XKR4: variants seen among roughly 807,000 people sequenced by gnomAD.
The protein encoded by XKR4 is XK-related protein 4.
Under a neutral mutation model 53.9 loss-of-function variants are expected in XKR4, and 12 were observed. That is an observed-to-expected ratio of 0.22 (90% CI 0.14 to 0.36). The LOEUF is 0.36. Ranked by LOEUF, XKR4 falls within the 10% of genes least tolerant of loss-of-function variation. The pLI, the probability that XKR4 is intolerant of heterozygous loss-of-function variation, is 1.00. For missense variants in XKR4, 799 were observed against 859.5 expected, an observed-to-expected ratio of 0.93 and a Z score of 0.88; for synonymous variants, 354 against 362.4, an observed-to-expected ratio of 0.98 and a Z score of 0.26.
At chr8:55,415,709 T>C (rs1467853113) in intron 2 of XKR4, among the ~76,000 whole-genome samples, 1 of 152,202 alleles carries the variant, frequency 6.6e-6, no homozygotes, top group East Asian at 1.9e-4. Flanking sequence ...CATTAGAAAA[T>C]TGTTTTAGGA....
intron 1 of XKR4, among the ~76,000 whole-genome samples, chr8:55,118,681 G>C (rs1403649225): frequency 6.6e-6 from 1 of 152,198 alleles, no homozygotes; most frequent in Non-Finnish European, 1.5e-5. Flanking sequence ...TTCAAAAGAT[G>C]CTTCTCAAAA....
chr8:55,223,650 A>C (rs1021515399), intron 1 of XKR4, among the ~76,000 whole-genome samples: 1 of 152,212 alleles, frequency 6.6e-6, no homozygotes, highest in Admixed American at 6.5e-5. Context: ...ATGATTGCTC[A>C]CCTTCACTGT....
intron 2 of XKR4, among the ~76,000 whole-genome samples, chr8:55,520,400 A>G (rs1720811231): frequency 1.3e-5 from 2 of 152,248 alleles, no homozygotes; most frequent in African/African-American, 2.4e-5. Flanking sequence ...AGCCTGACCA[A>G]CATGGTGAAA....
chr8:55,361,036 G>A (rs1478978425), intron 2 of XKR4, among the ~76,000 whole-genome samples: 1 of 152,164 alleles, frequency 6.6e-6, no homozygotes, highest in African/African-American at 2.4e-5. Context: ...AGCTCTTCAC[G>A]CTCCACAGTC....
At chr8:55,240,679 G>A (rs564731757) in intron 1 of XKR4, among the ~76,000 whole-genome samples, 1 of 152,266 alleles carries the variant, frequency 6.6e-6, no homozygotes, top group Non-Finnish European at 1.5e-5. Context: ...ACAGGCAAGG[G>A]AATAGCCTCA....
At position 55,450,285 on chromosome 8, in the gene XKR4, G is replaced by C. The variant is rs971065929; in HGVS notation, c.1007-72996G>C. On this transcript the variant is annotated intron_variant, in intron 2 of 2. Coordinates refer to ENST00000327381, the MANE Select transcript of XKR4 (RefSeq NM_052898.2). ...AGGGGGTTCCCCGAGCCAGTTCCCA[G>C]TCATAGGGAGGGCCCTCGGCCAGCA... The C allele has an allele frequency of 9.6e-5, 68 of 704,932 alleles. 2 individuals carry two copies. Among genetic ancestry groups the C allele is most frequent in the Non-Finnish European group, 9.4e-5 (39 of 415,502 alleles). The allele number at this position is 704,932 out of a possible 1,614,324, so 43.7% of individuals were successfully genotyped here.
intron 2 of XKR4, among the ~76,000 whole-genome samples, chr8:55,480,301 C>G (rs1009008792): frequency 6.8e-6 from 1 of 147,128 alleles, no homozygotes; most frequent in Admixed American, 6.7e-5. Flanking sequence ...AGACAAAAAC[C>G]ACATGATTAT....
At chr8:55,186,637 C>T (rs2129360479) in intron 1 of XKR4, among the ~76,000 whole-genome samples, 1 of 152,120 alleles carries the variant, frequency 6.6e-6, no homozygotes, top group African/African-American at 2.4e-5. Flanking sequence ...GCCTGGGGGA[C>T]AGAGTGAGAC....
At chr8:55,376,331 T>G in intron 2 of XKR4, among the ~76,000 whole-genome samples, 1 of 152,174 alleles carries the variant, frequency 6.6e-6, no homozygotes. Context: ...TTGAACTAAT[T>G]TACATTCCCA....
intron 1 of XKR4, among the ~76,000 whole-genome samples, chr8:55,182,482 G>A (rs1258572791): frequency 6.6e-6 from 1 of 152,142 alleles, no homozygotes; most frequent in Non-Finnish European, 1.5e-5. Flanking sequence ...GTTTGTACAT[G>A]AGGTGAGGTA....
At chr8:55,482,369 G>A (rs1039506674) in intron 2 of XKR4, among the ~76,000 whole-genome samples, 1 of 152,084 alleles carries the variant, frequency 6.6e-6, no homozygotes, top group African/African-American at 2.4e-5. Flanking sequence ...ACACAGGAAG[G>A]GGAACATCAC....
chr8:55,472,602 G>A (rs895993738), intron 2 of XKR4, among the ~76,000 whole-genome samples: 9 of 152,086 alleles, frequency 5.9e-5, no homozygotes, highest in African/African-American at 1.9e-4. Flanking sequence ...TGGTCAGAGA[G>A]AGGGATGGGG....
intron 1 of XKR4, among the ~76,000 whole-genome samples, chr8:55,168,797 G>A (rs981915284): frequency 3.9e-5 from 6 of 152,068 alleles, no homozygotes; most frequent in Admixed American, 6.6e-5. Flanking sequence ...AAGAAATGCC[G>A]GGACTGTCTG....
chr8:55,452,399 GA>G, intron 2 of XKR4: 1 of 628,768 alleles, frequency 1.6e-6, no homozygotes, highest in Non-Finnish European at 2.9e-6. Context: ...TAGTGAGGAA[GA>G]GGGCGCCCTC....
intron 2 of XKR4, among the ~76,000 whole-genome samples, chr8:55,457,146 C>CTTTTCTTTTCT (rs533607534): frequency 6.6e-5 from 9 of 137,264 alleles, no homozygotes; most frequent in Non-Finnish European, 1.4e-4. Context: ...TTTTCCTTTT[C>CTTTTCTTTTCT]TTTTTTTTTT....
At chr8:55,487,079 G>A (rs1806203247) in intron 2 of XKR4, among the ~76,000 whole-genome samples, 1 of 152,184 alleles carries the variant, frequency 6.6e-6, no homozygotes. Flanking sequence ...CTGCAAGCTG[G>A]AGACCATGGG....
rs191371208 is a variant in XKR4 at position 55,111,565 on chromosome 8, C to A, written c.806+8271C>A. On this transcript the variant is annotated intron_variant, in intron 1 of 2. Coordinates refer to ENST00000327381, the MANE Select transcript of XKR4 (RefSeq NM_052898.2). The stretch of plus-strand genomic sequence containing the variant: ...AAGCGTATTTACATAATGCAATTAA[C>A]CTTATGTCATTTCCAAATTTTAGCT... Among the ~76,000 whole-genome samples, 6 of 152,260 alleles carry A rather than the reference C, an allele frequency of 3.9e-5. No individual in the cohort carries two copies. The East Asian group carries it at 1.2e-3, about 29-fold the overall frequency.
chr8:55,132,498 G>C (rs1420523539), intron 1 of XKR4, among the ~76,000 whole-genome samples: 1 of 152,126 alleles, frequency 6.6e-6, no homozygotes, highest in African/African-American at 2.4e-5. Flanking sequence ...ACAATATACT[G>C]TAATAAAAGT....
chr8:55,141,333 T>C (rs1816698821), intron 1 of XKR4, among the ~76,000 whole-genome samples: 1 of 152,154 alleles, frequency 6.6e-6, no homozygotes, highest in Non-Finnish European at 1.5e-5. Flanking sequence ...CCCTGTGTCC[T>C]GTCCCTCCCG....
Sources: allele counts gnomAD v4.1 joint callset (sites outside exome capture counted in the v4.1 genomes callset), GRCh38; gene constraint gnomAD v4.1.1; transcripts MANE v1.5; gene names NCBI Gene and HGNC (gene_info 2026-07-23, HGNC 2026-07-21).